TFR2: variants seen among roughly 807,000 people sequenced by gnomAD.
The protein encoded by TFR2 is transferrin receptor 2.
In TFR2, 64 loss-of-function variants were observed where a neutral mutation model predicts 91.9. The ratio of observed to expected loss-of-function variants is 0.70; its 90% CI spans 0.57 to 0.86. The LOEUF (loss-of-function observed/expected upper bound fraction) is 0.86, where lower values mean the gene tolerates loss of function less well. Among genes scored for constraint, TFR2 ranks in the 40% least tolerant of loss-of-function variants. The probability of loss-of-function intolerance (pLI) is 0.00; values close to 1 mark genes in which losing one functional copy is unlikely to be tolerated. For missense variants in TFR2, 950 were observed against 1,080.5 expected, an observed-to-expected ratio of 0.88 and a Z score of 1.69; for synonymous variants, 454 against 459.6, an observed-to-expected ratio of 0.99 and a Z score of 0.15.
intron 3 of TFR2, 84 bp from the exon 4 acceptor site, chr7:100,633,640 C>T (rs1196784365): frequency 6.8e-7 from 1 of 1,466,844 alleles, no homozygotes; most frequent in Non-Finnish European, 9.0e-7. Context: ...GTGGGGTCGC[C>T]AGGGGCAGGG....
rs371949132 is a variant in TFR2 at position 100,639,579 on chromosome 7, GA to G, written c.473+1106del. On this transcript the variant is annotated intron_variant, in intron 3 of 17. Coordinates refer to ENST00000223051, the MANE Select transcript of TFR2 (RefSeq NM_003227.4). ...TGTCCTCTCAAATGCAATGAGAAAT[GA>G]AAAAAAAAAAAACGTAGAAGGTATA... Among the ~76,000 whole-genome samples the G allele has an allele frequency of 4.8e-3, 635 of 133,428 alleles. 11 individuals are homozygous for G. Among genetic ancestry groups the G allele is most frequent in the Admixed American group, 0.024 (314 of 13,212 alleles). 87.5% of individuals were successfully genotyped at this position (133,428 alleles called of 152,430 possible).
intron 8 of TFR2, chr7:100,631,600 G>A (rs1402536235): frequency 1.9e-6 from 1 of 529,836 alleles, no homozygotes; most frequent in Non-Finnish European, 3.1e-6. Flanking sequence ...CTCCAGCCTG[G>A]AAGACAGAGC....
Position 100,628,053 on chromosome 7 carries a change from G to T in TFR2, c.1537+20C>A. 6.2e-7 allele frequency: 1 copy of T among 1,614,108 alleles called. No individual in the cohort carries two copies. The highest frequency in any genetic ancestry group is 8.5e-7 in the Non-Finnish European group (1 of 1,179,986). On this transcript the variant is annotated intron_variant, in intron 12 of 17. Transcript: ENST00000223051. ...AGGGTGGACCCCAGGGGGCCAGGTG[G>T]TGGCACTGCCCCAGCTCACCCAGCA...
intron 17 of TFR2, among the ~76,000 whole-genome samples, chr7:100,624,621 C>A (rs1269868585): frequency 6.6e-6 from 1 of 152,120 alleles, no homozygotes; most frequent in Non-Finnish European, 1.5e-5. Flanking sequence ...ATCCCAGCAC[C>A]TTGGGAAGCT....
Position 100,630,882 on chromosome 7 carries a change from A to G in TFR2, c.1270+7T>C. 6.2e-7 allele frequency: 1 copy of G among 1,612,466 alleles called. No homozygotes were observed. Among genetic ancestry groups the G allele is most frequent in the Non-Finnish European group, 8.5e-7 (1 of 1,179,810 alleles). On this transcript the variant is annotated splice_region_variant and intron_variant, in intron 9 of 17. Coordinates refer to ENST00000223051, the MANE Select transcript of TFR2 (RefSeq NM_003227.4). ...CAGCTGTGAGTGATACTGGACACAC[A>G]GCATACCTGGCTCTGAGCGGCCTTC...
At chr7:100,632,717 T>TA (rs35124485) in intron 6 of TFR2, 3,306 of 204,258 alleles carry the variant, frequency 0.016, no homozygotes, top group South Asian at 0.026. Context: ...CCCAGCTAAC[T>TA]AAAAAAAAAA....
At chr7:100,632,017 T>G in intron 7 of TFR2, 65 bp downstream of exon 7, 1 of 1,614,074 alleles carries the variant, frequency 6.2e-7, no homozygotes, top group Non-Finnish European at 8.5e-7. Context: ...ATGCCAGCCC[T>G]ATTCTGAGCA....
At position 100,627,891 on chromosome 7, in the gene TFR2, C is replaced by G; in HGVS notation, c.1605+16G>C. ...AACCTACTCCCCTTCACCCCCTATTCCTGGGGTGCTCTTGCCTGCTTCAGG... is the reference window on the plus strand; with the variant it reads ...AACCTACTCCCCTTCACCCCCTATTGCTGGGGTGCTCTTGCCTGCTTCAGG... On this transcript the variant is annotated intron_variant, in intron 13 of 17. Coordinates refer to ENST00000223051, the MANE Select transcript of TFR2 (RefSeq NM_003227.4). 1 of 1,614,080 alleles carries G rather than the reference C, an allele frequency of 6.2e-7. No individual in the cohort carries two copies. The highest frequency in any genetic ancestry group is 8.5e-7 in the Non-Finnish European group (1 of 1,179,960).
rs1211526147 is a variant in TFR2, at chr7:100,627,347, G to A, written c.1912C>T (p.Leu638=). 1 of 1,551,712 alleles carries A rather than the reference G, an allele frequency of 6.4e-7. No homozygotes were observed. The highest frequency in any genetic ancestry group is 1.2e-5 in the South Asian group (1 of 84,148). ...TAGCGGCCGAAGTCGAGGGGCAGCA[G>A]GCGATCGTGGCTGAGCCGGATGAGG... ...QLLIRLSHDR[L]LPLDFGRYGD... is the part of the protein sequence containing the mutation. The change falls in exon 16 of 18, where the codon CTG becomes TTG. Residue 638 remains leucine, a synonymous_variant. Transcript: ENST00000223051.
chr7:100,632,657 C>G (rs1431978860), intron 6 of TFR2: 2 of 349,698 alleles, frequency 5.7e-6, no homozygotes, highest in Non-Finnish European at 1.1e-5. Flanking sequence ...TCAAGCGATC[C>G]TCCCACCGGA....
At position 100,633,245 on chromosome 7, in the gene TFR2, G is replaced by A; in HGVS notation, c.710C>T (p.Ala237Val). The change falls in exon 5 of 18, where the codon GCC (alanine) becomes GTC (valine). Residue 237 changes from alanine (A) to valine (V), a missense_variant. By Grantham distance (64) the Ala-to-Val change is moderately conservative. Coordinates refer to ENST00000223051, the MANE Select transcript of TFR2 (RefSeq NM_003227.4). ...GGTGCTCACCGTGACGTTGCCGATGGCGCTGTAGGGGCAGTAGACGTCAGG... is the reference window on the plus strand; with the variant it reads ...GGTGCTCACCGTGACGTTGCCGATGACGCTGTAGGGGCAGTAGACGTCAGG... ...EDPDVYCPYS[A>V]IGNVTGELVY... is the part of the protein sequence containing the mutation. The A allele has an allele frequency of 6.2e-7, 1 of 1,613,818 alleles. No homozygotes were observed. The highest frequency in any genetic ancestry group is 8.5e-7 in the Non-Finnish European group (1 of 1,179,880).
chr7:100,620,951 C>G lies in TFR2; in HGVS notation c.2312G>C (p.Arg771Pro), dbSNP rs767335637. Residue 771 changes from arginine to proline, a missense_variant, in exon 18 of 18, where the codon CGT becomes CCT. Coordinates refer to ENST00000223051, the MANE Select transcript of TFR2 (RefSeq NM_003227.4). ...GAGCAGGGCTAGCTGACGCCGGAAA[C>G]GGCTCTCCTGGAAGCCAGTGGAGGA... ...ATSSTGFQES[R>P]FRRQLALLTW... 1.2e-6 allele frequency: 2 copies of G among 1,613,846 alleles called. No homozygotes were observed. Among genetic ancestry groups the G allele is most frequent in the South Asian group, 1.1e-5 (1 of 91,030 alleles).
intron 3 of TFR2, among the ~76,000 whole-genome samples, chr7:100,638,706 G>GCACCA (rs1415992518): frequency 2.0e-5 from 3 of 151,104 alleles, no homozygotes; most frequent in African/African-American, 7.3e-5. Flanking sequence ...AGCCGAGATC[G>GCACCA]CACCACTGCA....
chr7:100,636,805 C>T (rs1343641622), intron 3 of TFR2, among the ~76,000 whole-genome samples: 1 of 151,974 alleles, frequency 6.6e-6, no homozygotes, highest in African/African-American at 2.4e-5. Flanking sequence ...ACTCTTGTTG[C>T]CCAGGCTGGA....
chr7:100,637,989 G>A (rs981235385), intron 3 of TFR2, among the ~76,000 whole-genome samples: 5 of 151,576 alleles, frequency 3.3e-5, no homozygotes, highest in African/African-American at 4.8e-5. Context: ...GCGCCACTAC[G>A]CCCGGCTAAT....
Position 100,640,282 on chromosome 7 carries a change from C to T in TFR2, c.473+404G>A, listed in dbSNP as rs1290004806. On this transcript the variant is annotated intron_variant, in intron 3 of 17. Transcript: ENST00000223051. Reference sequence around the variant, plus strand: ...TTCTTTGGTAGAGACGGGGTTTCATCGTATTGCCCAGGCTTGCTTGCTTGG... The same window carrying T: ...TTCTTTGGTAGAGACGGGGTTTCATTGTATTGCCCAGGCTTGCTTGCTTGG... 7 of 180,224 alleles carry T rather than the reference C, an allele frequency of 3.9e-5. No homozygotes were observed. The East Asian group carries it at 6.1e-4, about 16-fold the overall frequency. The allele number at this position is 180,224 out of a possible 1,614,324, so 11.2% of individuals were successfully genotyped here. A position where few individuals can be genotyped will look rare whatever the true frequency, so the allele number is the denominator to read the frequency against.
At chr7:100,633,369 A>G in intron 4 of TFR2, 29 bp from the exon 5 acceptor site, 3 of 1,609,104 alleles carry the variant, frequency 1.9e-6, no homozygotes, top group Non-Finnish European at 2.5e-6. Context: ...GAGCGCCCCG[A>G]GCCGCGTCCC....
chr7:100,626,847 C>T lies in TFR2; in HGVS notation c.2052G>A (p.Ala684=). ...VYSARGDYIR[A]AEKLRQEIYS... ...AGATCTCCTGCCGCAGCTTTTCCGC[C>T]GCCCGGATGTAGTCCCCCCGCGCCG... is the stretch of plus-strand genomic sequence containing the variant. The change falls in exon 17 of 18, where the codon GCG becomes GCA. Residue 684 remains alanine, a synonymous_variant. Transcript: ENST00000223051. 1 of 1,549,388 alleles carries T rather than the reference C, an allele frequency of 6.5e-7. No individual in the cohort carries two copies. The highest frequency in any genetic ancestry group is 8.7e-7 in the Non-Finnish European group (1 of 1,147,124).
chr7:100,628,382 G>T (rs1422122966), intron 10 of TFR2, 76 bp from the exon 11 acceptor site: 2 of 1,383,988 alleles, frequency 1.4e-6, no homozygotes, highest in Non-Finnish European at 2.0e-6. Flanking sequence ...TTCTGTCCTG[G>T]TCCCCCAGGG....
Sources: allele counts gnomAD v4.1 joint callset (sites outside exome capture counted in the v4.1 genomes callset), GRCh38; gene constraint gnomAD v4.1.1; transcripts MANE v1.5; gene names NCBI Gene and HGNC (gene_info 2026-07-23, HGNC 2026-07-21).